OLFM3: variants seen among roughly 807,000 people sequenced by gnomAD.
The protein encoded by OLFM3 is noelin-3.
OLFM3 carries 20 observed loss-of-function variants against 48.6 expected under a neutral mutation model. The ratio of observed to expected loss-of-function variants is 0.41; its 90% CI spans 0.29 to 0.60. OLFM3 has a LOEUF of 0.60. OLFM3 is among the 20% of genes least tolerant of loss of function. OLFM3 has a pLI of 0.28. For synonymous variants in OLFM3, 222 were observed against 198.1 expected (o/e 1.12, Z -1.01); for missense variants, 437 against 544.3 (o/e 0.80, Z 1.96).
chr1:101,823,072 C>T (rs945527210), intron 4 of OLFM3, among the ~76,000 whole-genome samples: 8 of 151,886 alleles, frequency 5.3e-5, no homozygotes, highest in Non-Finnish European at 8.8e-5. Context: ...CCTATGACTC[C>T]TTATAGAGTA....
chr1:101,913,685 GAA>G (rs5776609), intron 1 of OLFM3, among the ~76,000 whole-genome samples: 15,106 of 137,236 alleles, frequency 0.11, 1,266 homozygotes, highest in East Asian at 0.37. Context: ...AAGCCCTACA[GAA>G]AAAAAAAAAA....
intron 1 of OLFM3, among the ~76,000 whole-genome samples, chr1:101,922,588 C>T (rs928871793): frequency 1.3e-5 from 2 of 152,146 alleles, no homozygotes; most frequent in Non-Finnish European, 2.9e-5. Flanking sequence ...CTTCATCCTT[C>T]CTATGGATTA....
intron 1 of OLFM3, among the ~76,000 whole-genome samples, chr1:101,840,483 T>TC (rs967427959): frequency 1.3e-5 from 2 of 151,352 alleles, no homozygotes; most frequent in African/African-American, 4.9e-5. Context: ...ATTTTTTTTT[T>TC]TTTTTGAGAC....
At chr1:101,858,197 A>G (rs910197382) in intron 1 of OLFM3, among the ~76,000 whole-genome samples, 1 of 152,098 alleles carries the variant, frequency 6.6e-6, no homozygotes, top group African/African-American at 2.4e-5. Context: ...CCTTTCAATA[A>G]TATGTGTACT....
At chr1:101,889,270 A>G (rs1657894919) in intron 1 of OLFM3, among the ~76,000 whole-genome samples, 1 of 152,192 alleles carries the variant, frequency 6.6e-6, no homozygotes, top group African/African-American at 2.4e-5. Flanking sequence ...CCTCAATGAC[A>G]GACTGGATTA....
chr1:101,985,419 C>T (rs1661208360), intron 1 of OLFM3, among the ~76,000 whole-genome samples: 1 of 152,204 alleles, frequency 6.6e-6, no homozygotes, highest in Non-Finnish European at 1.5e-5. Context: ...AACCATAACA[C>T]AGCAGCAGTA....
intron 1 of OLFM3, among the ~76,000 whole-genome samples, chr1:101,982,684 C>A (rs2101110666): frequency 6.6e-6 from 1 of 152,292 alleles, no homozygotes; most frequent in Non-Finnish European, 1.5e-5. Flanking sequence ...AGAACTGCAC[C>A]TTCCTGACTG....
At chr1:101,826,329 C>A (rs6684685) in intron 3 of OLFM3, among the ~76,000 whole-genome samples, 98,019 of 151,796 alleles carry the variant, frequency 0.65, 31,942 homozygotes, top group African/African-American at 0.68. Flanking sequence ...ATAAATATTT[C>A]TTTATTTATT....
intron 1 of OLFM3, among the ~76,000 whole-genome samples, chr1:101,944,097 A>G (rs1404452110): frequency 2.6e-5 from 4 of 151,204 alleles, no homozygotes; most frequent in Admixed American, 2.6e-4. Context: ...TAATATATAC[A>G]CATACATAGC....
chr1:101,955,000 A>AG (rs1434722994), intron 1 of OLFM3, among the ~76,000 whole-genome samples: 1 of 152,070 alleles, frequency 6.6e-6, no homozygotes, highest in Non-Finnish European at 1.5e-5. Context: ...GGAAAGGCTG[A>AG]GCCAATCACA....
chr1:101,828,024 C>CTCTGTCTGTCTG (rs1557691322), intron 3 of OLFM3, among the ~76,000 whole-genome samples: 218 of 105,074 alleles, frequency 2.1e-3, no homozygotes, highest in Middle Eastern at 4.5e-3. Context: ...CTCTCTCTCT[C>CTCTGTCTGTCTG]TCTCTCTCTG....
At chr1:101,871,779 A>C (rs1311974759) in intron 1 of OLFM3, among the ~76,000 whole-genome samples, 2 of 152,108 alleles carry the variant, frequency 1.3e-5, no homozygotes, top group African/African-American at 4.8e-5. Context: ...TAGAATGCAC[A>C]TAAATATGCA....
intron 3 of OLFM3, among the ~76,000 whole-genome samples, chr1:101,827,149 C>T (rs903496212): frequency 6.6e-6 from 1 of 152,182 alleles, no homozygotes; most frequent in Non-Finnish European, 1.5e-5. Flanking sequence ...TTCTACTATG[C>T]TGCTTTTACA....
At chr1:101,868,935 A>G (rs1656964088) in intron 1 of OLFM3, among the ~76,000 whole-genome samples, 2 of 152,354 alleles carry the variant, frequency 1.3e-5, no homozygotes, top group South Asian at 4.1e-4. Flanking sequence ...TGTGCACAGA[A>G]GTCAAGAACT....
At chr1:101,894,801 T>C (rs776772171) in intron 1 of OLFM3, among the ~76,000 whole-genome samples, 7 of 152,184 alleles carry the variant, frequency 4.6e-5, no homozygotes, top group Non-Finnish European at 7.4e-5. Flanking sequence ...TGTGTAACTT[T>C]AAGCATCTTT....
intron 1 of OLFM3, among the ~76,000 whole-genome samples, chr1:101,992,552 C>T (rs951433850): frequency 6.6e-6 from 1 of 151,256 alleles, no homozygotes; most frequent in Non-Finnish European, 1.5e-5. Context: ...CTCTAGCGCA[C>T]GAGAGAAACA....
At chr1:101,972,929 C>T (rs71662954) in intron 1 of OLFM3, among the ~76,000 whole-genome samples, 2 of 152,146 alleles carry the variant, frequency 1.3e-5, no homozygotes, top group Non-Finnish European at 2.9e-5. Flanking sequence ...CAGTGTGCCT[C>T]CTCTGCGGCA....
chr1:101,930,725 C>T (rs951157066), intron 1 of OLFM3, among the ~76,000 whole-genome samples: 9 of 152,152 alleles, frequency 5.9e-5, no homozygotes, highest in Non-Finnish European at 7.4e-5. Flanking sequence ...TCCAGAATCT[C>T]TTGTAGAGGA....
At chr1:101,967,590 G>GAACAACA (rs1660650229) in intron 1 of OLFM3, among the ~76,000 whole-genome samples, 1 of 44,570 alleles carries the variant, frequency 2.2e-5, no homozygotes, top group African/African-American at 1.1e-4. Context: ...CCTAGTCAGT[G>GAACAACA]AAAAAAAAAA....
Sources: allele counts gnomAD v4.1 joint callset (sites outside exome capture counted in the v4.1 genomes callset), GRCh38; gene constraint gnomAD v4.1.1; transcripts MANE v1.5; gene names NCBI Gene and HGNC (gene_info 2026-07-23, HGNC 2026-07-21).